The following LIMCH1 variants were observed in gnomAD, a reference collection of about 807,000 sequenced individuals.
LIMCH1 encodes the protein LIM and calponin homology domains-containing protein 1.
In LIMCH1, 113 loss-of-function variants were observed where a neutral mutation model predicts 176.5. The observed-to-expected ratio is 0.64, with a 90% CI of 0.55 to 0.75. The LOEUF (loss-of-function observed/expected upper bound fraction) is 0.75. LIMCH1 is among the 30% of genes least tolerant of loss of function. The probability of loss-of-function intolerance (pLI) is 0.00; values close to 1 mark genes in which losing one functional copy is unlikely to be tolerated. For missense variants in LIMCH1, 1,674 were observed against 1,814.9 expected (o/e 0.92, Z 1.41); for synonymous variants, 619 against 645.9 (o/e 0.96, Z 0.63).
intron 1 of LIMCH1, among the ~76,000 whole-genome samples, chr4:41,361,988 T>G (rs1387640540): frequency 6.6e-6 from 1 of 152,096 alleles, no homozygotes; most frequent in Non-Finnish European, 1.5e-5. Context: ...GACCCAGCAA[T>G]GTTGAAGCTT....
At chr4:41,509,946 G>A (rs911609947) in intron 2 of LIMCH1, among the ~76,000 whole-genome samples, 10 of 152,132 alleles carry the variant, frequency 6.6e-5, no homozygotes, top group Admixed American at 6.5e-4. Flanking sequence ...CTTGCCTTTG[G>A]AATATTCTCA....
intron 1 of LIMCH1, among the ~76,000 whole-genome samples, chr4:41,406,296 A>T (rs2154120657): frequency 6.6e-6 from 1 of 152,278 alleles, no homozygotes; most frequent in South Asian, 2.1e-4. Context: ...CTACTTTTAG[A>T]ATTTGGGTAT....
intron 6 of LIMCH1, chr4:41,619,884 A>G (rs2092430899): frequency 4.9e-6 from 1 of 202,746 alleles, no homozygotes; most frequent in Non-Finnish European, 1.0e-5. Flanking sequence ...TGTGGTTCAC[A>G]ATAACATATA....
chr4:41,547,859 GTGTGTATATATATATATATA>G (rs2079757184), intron 1 of LIMCH1, among the ~76,000 whole-genome samples: 1 of 69,444 alleles, frequency 1.4e-5, no homozygotes, highest in Non-Finnish European at 2.6e-5. Flanking sequence ...TAATTTGTGT[GTGTGTATATATATATATATA>G]TATATATATA....
In LIMCH1 at chr4:41,565,346, TACACACACACACAC is replaced by T. The variant is rs34056313; in HGVS notation, c.-241+27020_-241+27033del. Among the ~76,000 whole-genome samples, 5 of 128,610 alleles carry T rather than the reference TACACACACACACAC, an allele frequency of 3.9e-5. No homozygotes were observed. In the South Asian group the frequency reaches 1.0e-3, roughly 26 times the overall value. The allele number at this position is 128,610 out of a possible 152,430, so 84.4% of individuals were successfully genotyped here. A position where few individuals can be genotyped will look rare whatever the true frequency, so the allele number is the denominator to read the frequency against. On this transcript the variant is annotated intron_variant, in intron 1 of 31. Coordinates refer to ENST00000503057, the MANE Select transcript of LIMCH1 (RefSeq NM_001330672.2). Reference sequence around the variant, plus strand: ...ATAGTTAGAAGTTAGCTATTTCGGATACACACACACACACACACACACACACACACACACACATA... The same window carrying T: ...ATAGTTAGAAGTTAGCTATTTCGGATACACACACACACACACACACACATA...
chr4:41,423,607 T>G (rs73136618), intron 1 of LIMCH1, among the ~76,000 whole-genome samples: 4,903 of 152,238 alleles, frequency 0.032, 228 homozygotes, highest in African/African-American at 0.11. Context: ...CAAACAGGTC[T>G]CAAGCTCCTG....
At chr4:41,540,777 A>G (rs1008478024) in intron 1 of LIMCH1, among the ~76,000 whole-genome samples, 2 of 152,198 alleles carry the variant, frequency 1.3e-5, no homozygotes, top group Non-Finnish European at 2.9e-5. Flanking sequence ...ATTATTGCCA[A>G]GAGTTATTGA....
intron 1 of LIMCH1, among the ~76,000 whole-genome samples, chr4:41,455,339 G>A (rs759491119): frequency 1.3e-5 from 2 of 152,174 alleles, no homozygotes; most frequent in Non-Finnish European, 2.9e-5. Flanking sequence ...TGAGCCAGGA[G>A]TGATTAGTTT....
chr4:41,528,361 G>A (rs1201181965), intron 3 of LIMCH1, among the ~76,000 whole-genome samples: 1 of 152,146 alleles, frequency 6.6e-6, no homozygotes, highest in Non-Finnish European at 1.5e-5. Context: ...AATATAAAAA[G>A]TTGAGGATTA....
rs114092686 is a variant in LIMCH1 at position 41,619,565 on chromosome 4, G to A, written c.458+125G>A. The A allele has an allele frequency of 2.4e-3, 3,046 of 1,267,280 alleles. 68 individuals carry two copies. The African/African-American group carries it at 0.04, about 17-fold the overall frequency. 78.5% of individuals were successfully genotyped at this position (1,267,280 alleles called of 1,614,324 possible). A position where few individuals can be genotyped will look rare whatever the true frequency, so the allele number is the denominator to read the frequency against. ...CTTTGATGGAAGATTACAGATGGAG[G>A]TGGGTGGGACAGATCTTTGGAGAGA... On this transcript the variant is annotated intron_variant, in intron 6 of 31. Coordinates refer to ENST00000503057, the MANE Select transcript of LIMCH1 (RefSeq NM_001330672.2).
In LIMCH1 at chr4:41,699,464, T is replaced by C. The variant is rs1351393591; in HGVS notation, c.*2279T>C. ...CTATTTATATTTGATTTATATTTCA[T>C]TTGGAGTCTGTTACATGGCAGCTTA... On this transcript the variant is annotated 3_prime_UTR_variant, in exon 32 of 32. Transcript: ENST00000503057. 1 of 152,180 alleles carries C rather than the reference T, an allele frequency of 6.6e-6. No individual in the cohort carries two copies. The highest frequency in any genetic ancestry group is 1.5e-5 in the Non-Finnish European group (1 of 68,016). The allele number at this position is 152,180 out of a possible 1,614,324, so 9.4% of individuals were successfully genotyped here.
intron 1 of LIMCH1, among the ~76,000 whole-genome samples, chr4:41,390,271 A>C (rs910126473): frequency 1.3e-5 from 2 of 150,266 alleles, no homozygotes; most frequent in African/African-American, 2.5e-5. Flanking sequence ...AGAGAGAGAG[A>C]GAGCGAGAGC....
At chr4:41,678,033 C>T (rs1712389688) in intron 23 of LIMCH1, among the ~76,000 whole-genome samples, 1 of 151,906 alleles carries the variant, frequency 6.6e-6, no homozygotes, top group African/African-American at 2.4e-5. Context: ...TTTGCTGCAC[C>T]CACCAACCCG....
intron 1 of LIMCH1, among the ~76,000 whole-genome samples, chr4:41,366,163 A>C (rs2052940271): frequency 6.6e-6 from 1 of 152,218 alleles, no homozygotes; most frequent in South Asian, 2.1e-4. Context: ...CATGATGATA[A>C]AAATTATGTT....
intron 1 of LIMCH1, among the ~76,000 whole-genome samples, chr4:41,397,015 C>T (rs969150757): frequency 6.6e-6 from 1 of 152,198 alleles, no homozygotes; most frequent in Non-Finnish European, 1.5e-5. Flanking sequence ...ATGGTCATTT[C>T]AGTTGACTCC....
chr4:41,548,718 C>T (rs993683814), intron 1 of LIMCH1, among the ~76,000 whole-genome samples: 2 of 152,186 alleles, frequency 1.3e-5, no homozygotes, highest in African/African-American at 4.8e-5. Context: ...TGGCTGCTCT[C>T]ACCTTGTTCC....
At chr4:41,610,700 A>G (rs2091316328) in intron 4 of LIMCH1, among the ~76,000 whole-genome samples, 1 of 152,186 alleles carries the variant, frequency 6.6e-6, no homozygotes, top group Non-Finnish European at 1.5e-5. Flanking sequence ...GTCTGGAGAA[A>G]TGAAATAACT....
chr4:41,432,299 T>C (rs1382883664), intron 1 of LIMCH1, among the ~76,000 whole-genome samples: 1 of 152,218 alleles, frequency 6.6e-6, no homozygotes, highest in Admixed American at 6.5e-5. Flanking sequence ...AAACTTCTTT[T>C]CTGGATGACT....
At chr4:41,627,745 A>G (rs1272939917) in intron 8 of LIMCH1, among the ~76,000 whole-genome samples, 1 of 152,212 alleles carries the variant, frequency 6.6e-6, no homozygotes, top group African/African-American at 2.4e-5. Flanking sequence ...TCATTTAGGG[A>G]ACCTACTTGC....
Sources: gnomAD v4.1 joint callset for allele counts (sites outside exome capture counted in the v4.1 genomes callset) on GRCh38, gnomAD v4.1.1 for gene constraint, MANE v1.5 for transcripts, NCBI Gene and HGNC (gene_info 2026-07-23, HGNC 2026-07-21) for gene names.